The following EYA2 variants were observed in gnomAD, a reference collection of about 807,000 sequenced individuals.
EYA2 encodes protein phosphatase EYA2.
A neutral mutation model predicts 69.2 loss-of-function variants in EYA2; 31 were observed. The observed-to-expected ratio is 0.45, with a 90% CI of 0.34 to 0.60. EYA2 has a LOEUF of 0.60. EYA2 is among the 20% of genes least tolerant of loss of function. EYA2 has a pLI of 0.02. For missense variants in EYA2, 622 were observed against 701.2 expected, an observed-to-expected ratio of 0.89 and a Z score of 1.28; for synonymous variants, 257 against 279.4, an observed-to-expected ratio of 0.92 and a Z score of 0.80.
intron 1 of EYA2, among the ~76,000 whole-genome samples, chr20:46,930,540 G>C (rs1249755001): frequency 6.6e-6 from 1 of 152,072 alleles, no homozygotes; most frequent in Non-Finnish European, 1.5e-5. Flanking sequence ...GGAAGAGGAT[G>C]GGGGGATGTG....
chr20:46,978,991 C>T (rs756893124), intron 1 of EYA2, among the ~76,000 whole-genome samples: 11 of 152,244 alleles, frequency 7.2e-5, no homozygotes, highest in South Asian at 2.1e-4. Context: ...GTTTGGGCCA[C>T]AGCTGCTGTC....
intron 1 of EYA2, among the ~76,000 whole-genome samples, chr20:46,896,945 C>G (rs1983841423): frequency 6.6e-6 from 1 of 151,956 alleles, no homozygotes; most frequent in African/African-American, 2.4e-5. Context: ...AATCACTTCC[C>G]CAATATCAGA....
chr20:47,078,454 TC>T (rs1215590575), intron 7 of EYA2, among the ~76,000 whole-genome samples: 1 of 152,170 alleles, frequency 6.6e-6, no homozygotes, highest in African/African-American at 2.4e-5. Flanking sequence ...CTCCAGAGGC[TC>T]TAGAGGTTTA....
At chr20:47,141,191 T>C (rs2033586903) in intron 9 of EYA2, among the ~76,000 whole-genome samples, 2 of 152,344 alleles carry the variant, frequency 1.3e-5, no homozygotes, top group South Asian at 2.1e-4. Flanking sequence ...TTAATACTTA[T>C]AAAGTGGCAC....
chr20:47,014,704 G>A (rs1983305309), intron 4 of EYA2, among the ~76,000 whole-genome samples: 1 of 149,686 alleles, frequency 6.7e-6, no homozygotes, highest in South Asian at 2.1e-4. Flanking sequence ...AAATACATAT[G>A]TATATGCATA....
chr20:47,054,388 G>A (rs1344948294), intron 5 of EYA2, among the ~76,000 whole-genome samples: 1 of 152,160 alleles, frequency 6.6e-6, no homozygotes, highest in Non-Finnish European at 1.5e-5. Context: ...TACTGTCAGC[G>A]TAGGGCTGGT....
At chr20:47,072,650 G>T (rs1461334946) in intron 6 of EYA2, among the ~76,000 whole-genome samples, 2 of 152,296 alleles carry the variant, frequency 1.3e-5, no homozygotes, top group African/African-American at 2.4e-5. Flanking sequence ...CCAGCACACA[G>T]TGGGGGCTTT....
intron 9 of EYA2, among the ~76,000 whole-genome samples, chr20:47,111,770 C>T (rs1038372136): frequency 2.0e-5 from 3 of 152,214 alleles, no homozygotes; most frequent in African/African-American, 7.2e-5. Flanking sequence ...AGAAGCTTTA[C>T]TATCACACTT....
At chr20:47,028,433 C>T (rs1231798102) in intron 5 of EYA2, among the ~76,000 whole-genome samples, 1 of 152,186 alleles carries the variant, frequency 6.6e-6, no homozygotes, top group Non-Finnish European at 1.5e-5. Context: ...TCTTCTTGCC[C>T]CCACTATCAG....
chr20:46,982,235 T>A (rs1339974175), intron 1 of EYA2, among the ~76,000 whole-genome samples: 2 of 152,236 alleles, frequency 1.3e-5, no homozygotes, highest in Non-Finnish European at 2.9e-5. Flanking sequence ...TTGAAGTATT[T>A]TTTTGCTGGC....
rs749387817 is a variant in EYA2 at position 47,180,799 on chromosome 20, T to C, written c.1314-16T>C. The C allele has an allele frequency of 1.9e-6, 3 of 1,612,710 alleles. No individual in the cohort carries two copies. Among genetic ancestry groups the C allele is most frequent in the Non-Finnish European group, 2.5e-6 (3 of 1,179,348 alleles). Reference sequence around the variant, plus strand: ...GGTCCCTCTGAGTTCTGATCCACAGTCTCCTTTGTCCTTAGGCCCAACTGT... The same window carrying C: ...GGTCCCTCTGAGTTCTGATCCACAGCCTCCTTTGTCCTTAGGCCCAACTGT... On this transcript the variant is annotated splice_polypyrimidine_tract_variant and intron_variant, in intron 13 of 15. Coordinates refer to ENST00000327619, the MANE Select transcript of EYA2 (RefSeq NM_005244.5).
chr20:47,078,368 T>A (rs1440935304), intron 7 of EYA2, among the ~76,000 whole-genome samples: 1 of 132,586 alleles, frequency 7.5e-6, no homozygotes, highest in African/African-American at 2.9e-5. Context: ...CACACATTCA[T>A]GCACTCTTTT....
intron 10 of EYA2, among the ~76,000 whole-genome samples, chr20:47,158,622 C>T (rs6063077): frequency 0.32 from 48,356 of 151,700 alleles, 8,533 homozygotes; most frequent in Non-Finnish European, 0.39. Context: ...TCTAATACCA[C>T]GCTGCAAGAA....
intron 1 of EYA2, among the ~76,000 whole-genome samples, chr20:46,983,511 C>T (rs1980973668): frequency 6.6e-6 from 1 of 152,156 alleles, no homozygotes; most frequent in Admixed American, 6.5e-5. Flanking sequence ...CCATGAATTC[C>T]AATTTTTGCC....
At chr20:47,118,037 T>C (rs537898276) in intron 9 of EYA2, among the ~76,000 whole-genome samples, 46 of 152,378 alleles carry the variant, frequency 3.0e-4, no homozygotes, top group Admixed American at 1.4e-3. Flanking sequence ...CCTGTAGCTC[T>C]GAAACGGAGA....
chr20:47,155,132 A>G (rs1007931053), intron 10 of EYA2, among the ~76,000 whole-genome samples: 1 of 152,016 alleles, frequency 6.6e-6, no homozygotes, highest in Non-Finnish European at 1.5e-5. Flanking sequence ...CTGGGATTAC[A>G]GGCGTGAGCC....
At chr20:47,179,729 C>G in intron 12 of EYA2, 69 bp from the exon 13 acceptor site, 1 of 1,147,236 alleles carries the variant, frequency 8.7e-7, no homozygotes, top group Non-Finnish European at 1.3e-6. Context: ...AGCTAGATTC[C>G]TGTTCCCTAC....
At chr20:47,002,965 C>T (rs1184239704) in intron 3 of EYA2, among the ~76,000 whole-genome samples, 1 of 152,200 alleles carries the variant, frequency 6.6e-6, no homozygotes, top group Non-Finnish European at 1.5e-5. Flanking sequence ...TTTGCATTCA[C>T]CTGCTGTGAG....
intron 10 of EYA2, among the ~76,000 whole-genome samples, chr20:47,152,824 G>GAAAGA (rs3084818): frequency 0.016 from 2,224 of 138,958 alleles, 59 homozygotes; most frequent in African/African-American, 0.054. Context: ...AAAAAAAAAA[G>GAAAGA]AAAGAAAAGA....
Sources: gnomAD v4.1 joint callset for allele counts (sites outside exome capture counted in the v4.1 genomes callset) on GRCh38, gnomAD v4.1.1 for gene constraint, MANE v1.5 for transcripts, NCBI Gene and HGNC (gene_info 2026-07-23, HGNC 2026-07-21) for gene names.